XRRA1: variants seen among roughly 807,000 people sequenced by gnomAD.
XRRA1 encodes the protein X-ray radiation resistance associated 1.
Under a neutral mutation model 80.2 loss-of-function variants are expected in XRRA1, and 69 were observed. The observed-to-expected ratio is 0.86, with a 90% CI of 0.71 to 1.05. The LOEUF (loss-of-function observed/expected upper bound fraction) is 1.05. XRRA1 is among the 50% of genes least tolerant of loss of function. XRRA1 has a pLI of 0.00. For missense variants in XRRA1, 967 were observed against 976.4 expected (o/e 0.99, Z 0.13); for synonymous variants, 348 against 389.9 (o/e 0.89, Z 1.27).
In XRRA1 at chr11:74,841,753, C is replaced by G. The variant is rs1043156450; in HGVS notation, c.*1447G>C. On this transcript the variant is annotated 3_prime_UTR_variant, in exon 19 of 19. Transcript: ENST00000684022. ...TTCCTGTCATTTAAGGTAAAACAGG[C>G]AATGAACTCGCTCTTCAAATACCAT... 6 of 152,158 alleles carry G rather than the reference C, an allele frequency of 3.9e-5. No individual in the cohort carries two copies. The highest frequency in any genetic ancestry group is 1.4e-4 in the African/African-American group (6 of 41,444). 9.4% of individuals were successfully genotyped at this position (152,158 alleles called of 1,614,324 possible).
chr11:74,851,006 G>T, intron 14 of XRRA1, 82 bp downstream of exon 14: 1 of 1,028,182 alleles, frequency 9.7e-7, no homozygotes, highest in Non-Finnish European at 1.4e-6. Flanking sequence ...GGAGTGAGCA[G>T]CTCTACAGCC....
At chr11:74,855,277 C>G (rs1452363721) in intron 12 of XRRA1, among the ~76,000 whole-genome samples, 2 of 151,818 alleles carry the variant, frequency 1.3e-5, no homozygotes, top group East Asian at 3.9e-4. Context: ...GTGTGCAAAT[C>G]AAGGGGTCAA....
chr11:74,887,602 T>A (rs1047250500), intron 10 of XRRA1, among the ~76,000 whole-genome samples: 2 of 151,948 alleles, frequency 1.3e-5, no homozygotes, highest in Admixed American at 6.6e-5. Flanking sequence ...GCGCACCGAG[T>A]GTGAGCCAAA....
intron 3 of XRRA1, among the ~76,000 whole-genome samples, chr11:74,938,339 C>G (rs1945527701): frequency 6.6e-6 from 1 of 152,214 alleles, no homozygotes; most frequent in African/African-American, 2.4e-5. Context: ...GGGGCATGAA[C>G]TTTGCTTCTA....
Position 74,949,083 on chromosome 11 carries a change from G to T in XRRA1, c.-228C>A. Reference sequence around the variant, plus strand: ...ACGCCTTAGTAACTGCGACGCGACGGCAGACAGTGTAGGCGGCAACCGACG... The same window carrying T: ...ACGCCTTAGTAACTGCGACGCGACGTCAGACAGTGTAGGCGGCAACCGACG... On this transcript the variant is annotated 5_prime_UTR_variant, in exon 1 of 19. Coordinates refer to ENST00000684022, the MANE Select transcript of XRRA1 (RefSeq NM_001378157.1). 2.0e-6 allele frequency: 1 copy of T among 490,316 alleles called. No individual in the cohort carries two copies. The highest frequency in any genetic ancestry group is 3.6e-6 in the Non-Finnish European group (1 of 276,144). 30.4% of individuals were successfully genotyped at this position (490,316 alleles called of 1,614,324 possible). A position where few individuals can be genotyped will look rare whatever the true frequency, so the allele number is the denominator to read the frequency against.
At chr11:74,901,623 T>C (rs541753394) in intron 10 of XRRA1, among the ~76,000 whole-genome samples, 1 of 152,020 alleles carries the variant, frequency 6.6e-6, no homozygotes, top group Non-Finnish European at 1.5e-5. Flanking sequence ...ATAGAGAACC[T>C]AGAAATAAAT....
intron 2 of XRRA1, among the ~76,000 whole-genome samples, chr11:74,944,219 C>T (rs1947016682): frequency 6.6e-6 from 1 of 152,150 alleles, no homozygotes; most frequent in Non-Finnish European, 1.5e-5. Context: ...ATTTCCAAGT[C>T]TGGAAACACA....
chr11:74,909,448 A>G (rs1028044403), intron 8 of XRRA1, among the ~76,000 whole-genome samples: 4 of 152,230 alleles, frequency 2.6e-5, no homozygotes, highest in Non-Finnish European at 5.9e-5. Context: ...AGCCTTTAAA[A>G]AATTCCTCTT....
chr11:74,862,781 G>GT (rs781107639), intron 11 of XRRA1, among the ~76,000 whole-genome samples, 200 bp downstream of exon 11: 5 of 152,064 alleles, frequency 3.3e-5, no homozygotes, highest in Non-Finnish European at 7.3e-5. Flanking sequence ...CCTGGTACAG[G>GT]TAAGGTCAAG....
intron 15 of XRRA1, among the ~76,000 whole-genome samples, chr11:74,846,761 A>G (rs574950032): frequency 1.3e-5 from 2 of 152,346 alleles, no homozygotes; most frequent in East Asian, 3.9e-4. Context: ...GATAAAGATC[A>G]TCTATGGAAA....
intron 1 of XRRA1, among the ~76,000 whole-genome samples, chr11:74,945,635 CAAGT>C (rs1262561441): frequency 6.7e-6 from 1 of 150,242 alleles, no homozygotes; most frequent in Non-Finnish European, 1.5e-5. Flanking sequence ...TTATCTAAGA[CAAGT>C]AAGATCTTTA....
At chr11:74,915,382 C>G (rs1938288797) in intron 8 of XRRA1, among the ~76,000 whole-genome samples, 1 of 152,186 alleles carries the variant, frequency 6.6e-6, no homozygotes, top group African/African-American at 2.4e-5. Flanking sequence ...CGGAGACTCT[C>G]AATGGTCAGG....
Position 74,843,919 on chromosome 11 carries a change from G to C in XRRA1, c.2084C>G (p.Ala695Gly). The change falls in exon 18 of 19, where the codon GCC becomes GGC. Residue 695 changes from alanine (A) to glycine (G), a missense_variant. Transcript: ENST00000684022. ...IPIPPPKKTR[A>G]QLLDDIFIRL... is the part of the protein sequence containing the mutation. The stretch of plus-strand genomic sequence containing the variant: ...AATGAAGATGTCATCCAGAAGTTGG[G>C]CTCTAGTCTTCTTTGGGGGTGGAAT... 6.2e-7 allele frequency: 1 copy of C among 1,613,770 alleles called. No individual in the cohort carries two copies. The highest frequency in any genetic ancestry group is 1.1e-5 in the South Asian group (1 of 90,974).
chr11:74,851,717 CTCTT>C (rs1471515079), intron 13 of XRRA1, among the ~76,000 whole-genome samples: 5 of 152,236 alleles, frequency 3.3e-5, no homozygotes, highest in African/African-American at 9.6e-5. Flanking sequence ...CCAACTCAGA[CTCTT>C]TCTTGCTGTG....
intron 12 of XRRA1, among the ~76,000 whole-genome samples, chr11:74,857,005 G>T (rs563954518): frequency 2.0e-5 from 3 of 152,038 alleles, no homozygotes; most frequent in Admixed American, 6.5e-5. Context: ...TGAGACACAG[G>T]GTTGGTCCCA....
At chr11:74,920,649 C>G (rs930673857) in intron 8 of XRRA1, among the ~76,000 whole-genome samples, 1 of 152,142 alleles carries the variant, frequency 6.6e-6, no homozygotes, top group Admixed American at 6.5e-5. Context: ...GGATCTGTTA[C>G]CAACTAGCTT....
intron 8 of XRRA1, among the ~76,000 whole-genome samples, chr11:74,907,576 G>A (rs1013173073): frequency 3.3e-5 from 5 of 152,164 alleles, no homozygotes; most frequent in Admixed American, 2.0e-4. Context: ...AAAATGCCAG[G>A]TGAAAGAGGC....
intron 10 of XRRA1, among the ~76,000 whole-genome samples, chr11:74,867,222 G>A (rs958685396): frequency 1.3e-5 from 2 of 152,182 alleles, no homozygotes; most frequent in Admixed American, 1.3e-4. Context: ...TCCAGCAATG[G>A]TTCTTAAACA....
intron 10 of XRRA1, among the ~76,000 whole-genome samples, chr11:74,900,737 A>T (rs2053434712): frequency 6.6e-6 from 1 of 152,254 alleles, no homozygotes; most frequent in Admixed American, 6.5e-5. Flanking sequence ...CTGAAAAAGC[A>T]TTTGATATAG....
Sources: gnomAD v4.1 joint callset for allele counts (sites outside exome capture counted in the v4.1 genomes callset) on GRCh38, gnomAD v4.1.1 for gene constraint, MANE v1.5 for transcripts, NCBI Gene and HGNC (gene_info 2026-07-23, HGNC 2026-07-21) for gene names.